Variants in ZNF385B observed in about 807,000 individuals in gnomAD.
ZNF385B encodes the protein zinc finger protein 385B, also known as zinc finger protein 533.
ZNF385B carries 23 observed loss-of-function variants against 39.2 expected under a neutral mutation model. The observed-to-expected ratio is 0.59, with a 90% CI of 0.42 to 0.83. The LOEUF is 0.83. ZNF385B is among the 40% of genes least tolerant of loss of function. ZNF385B has a pLI of 0.00. For missense variants in ZNF385B, 552 were observed against 598.9 expected (o/e 0.92, Z 0.82); for synonymous variants, 205 against 222.6 (o/e 0.92, Z 0.70).
chr2:179,599,764 T>C (rs10048645), intron 3 of ZNF385B, among the ~76,000 whole-genome samples: 24,455 of 152,062 alleles, frequency 0.16, 2,392 homozygotes, highest in African/African-American at 0.25. Flanking sequence ...AACCAAGCAG[T>C]CTCTTGAAAA....
intron 3 of ZNF385B, among the ~76,000 whole-genome samples, chr2:179,579,299 T>C (rs1686211463): frequency 6.6e-6 from 1 of 152,104 alleles, no homozygotes; most frequent in African/African-American, 2.4e-5. Context: ...TATTAGCATA[T>C]ACTGAGTGTT....
rs1218823593 is a variant in ZNF385B at position 179,808,651 on chromosome 2, A to C, written c.-154-37979T>G. On this transcript the variant is annotated intron_variant, in intron 1 of 9. Coordinates refer to ENST00000410066, the MANE Select transcript of ZNF385B (RefSeq NM_152520.6). Reference sequence around the variant, plus strand: ...AAAACAGAGAACATTCCAAAAATAAATGACAAAGAGGAGATTTACATATAT... The same window carrying C: ...AAAACAGAGAACATTCCAAAAATAACTGACAAAGAGGAGATTTACATATAT... 3.3e-5 allele frequency among the ~76,000 whole-genome samples: 5 copies of C among 152,346 alleles called. No individual in the cohort carries two copies. The East Asian group carries it at 9.6e-4, about 29-fold the overall frequency.
At chr2:179,779,127 T>C (rs4894122) in intron 1 of ZNF385B, among the ~76,000 whole-genome samples, 15,517 of 152,234 alleles carry the variant, frequency 0.1, 1,056 homozygotes, top group Admixed American at 0.18. Flanking sequence ...ATAGATCAAA[T>C]GCAGCTATAA....
At chr2:179,595,664 T>TGGCAACA (rs1288859271) in intron 3 of ZNF385B, among the ~76,000 whole-genome samples, 1 of 151,264 alleles carries the variant, frequency 6.6e-6, no homozygotes, top group East Asian at 2.0e-4. Context: ...CTCACTCTGT[T>TGGCAACA]GCCCAGGCTG....
At position 179,519,773 on chromosome 2, in the gene ZNF385B, A is replaced by C. The variant is rs144436975; in HGVS notation, c.442-1135T>G. 4.6e-3 allele frequency among the ~76,000 whole-genome samples: 700 copies of C among 152,328 alleles called. 4 individuals carry two copies. The highest frequency in any genetic ancestry group is 5.2e-3 in the Non-Finnish European group (352 of 68,032). On this transcript the variant is annotated intron_variant, in intron 4 of 9. Transcript: ENST00000410066. The stretch of plus-strand genomic sequence containing the variant: ...GATCTATTGATACCATTGTCTAGGA[A>C]ATCTCCTGAGGTTAGAGATTAAGAT...
At chr2:179,844,285 A>G (rs1269351779) in intron 1 of ZNF385B, among the ~76,000 whole-genome samples, 1 of 152,192 alleles carries the variant, frequency 6.6e-6, no homozygotes, top group Non-Finnish European at 1.5e-5. Context: ...TGATTTTTAA[A>G]TTTCCTTTCT....
At position 179,686,401 on chromosome 2, in the gene ZNF385B, C is replaced by T. The variant is rs192786495; in HGVS notation, c.298+83102G>A. ...CAGTGCCTACGATGTTATAAAAATT[C>T]AATAAAATTGACATTGAAAAGAGAC... On this transcript the variant is annotated intron_variant, in intron 3 of 9. Transcript: ENST00000410066. Among the ~76,000 whole-genome samples the T allele has an allele frequency of 6.4e-3, 977 of 152,210 alleles. 3 individuals carry two copies. The highest frequency in any genetic ancestry group is 0.012 in the Admixed American group (178 of 15,280).
chr2:179,667,483 T>C (rs1695319358), intron 3 of ZNF385B, among the ~76,000 whole-genome samples: 1 of 152,188 alleles, frequency 6.6e-6, no homozygotes, highest in Non-Finnish European at 1.5e-5. Flanking sequence ...TTCTACCTAA[T>C]CTAACCCCTT....
At chr2:179,606,406 C>G (rs1046475703) in intron 3 of ZNF385B, among the ~76,000 whole-genome samples, 1 of 152,162 alleles carries the variant, frequency 6.6e-6, no homozygotes, top group Non-Finnish European at 1.5e-5. Context: ...TCTTGAAATG[C>G]CTCATTAGAC....
chr2:179,642,784 G>T (rs1459423987), intron 3 of ZNF385B, among the ~76,000 whole-genome samples: 4 of 152,124 alleles, frequency 2.6e-5, no homozygotes, highest in Admixed American at 1.3e-4. Context: ...AACAGAAAAA[G>T]AAATTTCTCT....
At chr2:179,682,641 G>A (rs1385722437) in intron 3 of ZNF385B, among the ~76,000 whole-genome samples, 1 of 152,184 alleles carries the variant, frequency 6.6e-6, no homozygotes, top group African/African-American at 2.4e-5. Flanking sequence ...GTTTCACTGA[G>A]TTTTTATTCC....
At chr2:179,551,059 T>C (rs929126164) in intron 3 of ZNF385B, among the ~76,000 whole-genome samples, 3 of 152,122 alleles carry the variant, frequency 2.0e-5, no homozygotes, top group African/African-American at 7.2e-5. Flanking sequence ...ATAAACTATC[T>C]GGCAATATTA....
At chr2:179,647,524 A>G (rs1293967763) in intron 3 of ZNF385B, among the ~76,000 whole-genome samples, 1 of 152,156 alleles carries the variant, frequency 6.6e-6, no homozygotes, top group African/African-American at 2.4e-5. Context: ...AGAGGACCAC[A>G]GTCTCCTGCG....
chr2:179,557,938 G>A (rs988134729), intron 3 of ZNF385B, among the ~76,000 whole-genome samples: 8 of 151,764 alleles, frequency 5.3e-5, no homozygotes, highest in African/African-American at 1.9e-4. Context: ...TATTCCCTAT[G>A]GGGAAAAAAA....
chr2:179,479,657 T>C (rs977860457), intron 6 of ZNF385B, among the ~76,000 whole-genome samples: 3 of 151,982 alleles, frequency 2.0e-5, no homozygotes, highest in African/African-American at 7.2e-5. Flanking sequence ...CTGGCCAAGA[T>C]GGTGAAACCC....
At chr2:179,720,233 T>G (rs1183768836) in intron 3 of ZNF385B, among the ~76,000 whole-genome samples, 2 of 152,110 alleles carry the variant, frequency 1.3e-5, no homozygotes, top group Non-Finnish European at 2.9e-5. Context: ...TGCCTAATTT[T>G]TGGGAGAAAT....
At chr2:179,838,610 G>A (rs998141136) in intron 1 of ZNF385B, among the ~76,000 whole-genome samples, 2 of 152,000 alleles carry the variant, frequency 1.3e-5, no homozygotes, top group East Asian at 1.9e-4. Context: ...AAGATTCCTC[G>A]GGAAAGGAAA....
intron 3 of ZNF385B, among the ~76,000 whole-genome samples, chr2:179,686,930 G>C (rs569169593): frequency 6.7e-6 from 1 of 148,738 alleles, no homozygotes; most frequent in South Asian, 2.1e-4. Flanking sequence ...CAATTCTCTC[G>C]AGGTAACTGA....
At chr2:179,837,943 T>TTA (rs1211418357) in intron 1 of ZNF385B, among the ~76,000 whole-genome samples, 1 of 152,200 alleles carries the variant, frequency 6.6e-6, no homozygotes, top group African/African-American at 2.4e-5. Flanking sequence ...AGTTGTTGCA[T>TTA]TATAATTGAA....
Sources: allele counts gnomAD v4.1 joint callset (sites outside exome capture counted in the v4.1 genomes callset), GRCh38; gene constraint gnomAD v4.1.1; transcripts MANE v1.5; gene names NCBI Gene and HGNC (gene_info 2026-07-23, HGNC 2026-07-21).